SUMF2: variants seen among roughly 807,000 people sequenced by gnomAD.
SUMF2 encodes the protein inactive C-alpha-formylglycine-generating enzyme 2.
A neutral mutation model predicts 44.8 loss-of-function variants in SUMF2; 45 were observed. That is an observed-to-expected ratio of 1.00 (90% CI 0.79 to 1.29). SUMF2 has a LOEUF of 1.29. Among genes scored for constraint, SUMF2 ranks in the 50% most tolerant of loss-of-function variants. The pLI, the probability that SUMF2 is intolerant of heterozygous loss-of-function variation, is 0.00. For missense variants in SUMF2, 418 were observed against 389.9 expected (o/e 1.07, Z -0.61); for synonymous variants, 148 against 150.4 (o/e 0.98, Z 0.12).
the SUMF2 span, chr7:56,087,755 CCTGACCACA>C: frequency 6.2e-7 from 1 of 1,612,684 alleles, no homozygotes; most frequent in East Asian, 2.2e-5. Context: ...GGATGCATCG[CCTGACCACA>C]CTGCTAACGC....
In SUMF2 at chr7:56,079,977, G is replaced by C; in HGVS notation, c.*365G>C. 1 of 1,112,114 alleles carries C rather than the reference G, an allele frequency of 9.0e-7. No homozygotes were observed. 68.9% of individuals were successfully genotyped at this position (1,112,114 alleles called of 1,614,324 possible). On this transcript the variant is annotated 3_prime_UTR_variant, in exon 9 of 9. Transcript: ENST00000434526. ...CCCCCTTTCTCCCTGGATGATTCAG[G>C]AAGCTGACATTGTTTCCTCAAGGCA...
At chr7:56,084,522 C>T (rs145185920), downstream of SUMF2, among the ~76,000 whole-genome samples, 1,662 of 151,878 alleles carry the variant, frequency 0.011, 35 homozygotes, top group African/African-American at 0.037. Context: ...TACAGGTGCC[C>T]ACTACCACAC....
At chr7:56,081,532 C>G, downstream of SUMF2, 4 of 1,422,864 alleles carry the variant, frequency 2.8e-6, no homozygotes, top group Admixed American at 5.4e-5. The surrounding 1 kb of genome is among the most constrained non-coding windows in gnomAD (Gnocchi z 4.6). Flanking sequence ...GGGATGGGTA[C>G]TCTGGAAATT....
At chr7:56,067,744 T>C (rs1373809056) in intron 1 of SUMF2, among the ~76,000 whole-genome samples, 1 of 151,618 alleles carries the variant, frequency 6.6e-6, no homozygotes, top group Non-Finnish European at 1.5e-5. Flanking sequence ...AATACAAAAA[T>C]TAGCCAGGTG....
At chr7:56,082,180 G>A (rs544129411), downstream of SUMF2, 236 of 1,613,838 alleles carry the variant, frequency 1.5e-4, 3 homozygotes, top group South Asian at 2.1e-3. Context: ...CCTCTTTCCC[G>A]TAGCCCGGGT....
In SUMF2 at chr7:56,078,171, GC is replaced by G. The variant is rs1795695177; in HGVS notation, c.664del (p.Gln222ArgfsTer167). 1 of 1,611,478 alleles carries G rather than the reference GC, an allele frequency of 6.2e-7. No individual in the cohort carries two copies. The highest frequency in any genetic ancestry group is 1.7e-5 in the Admixed American group (1 of 59,892). ...HGVSPVNAFPAQNNYGLYDLL... is the reference protein window; with the variant it reads ...HGVSPVNAFPXQNNYGLYDLL... Reference sequence around the variant, plus strand: ...AGTCTCCCCAGTGAATGCTTTCCCCGCCCAGAACAACTACGGTAAGAGCTGT... The same window carrying G: ...AGTCTCCCCAGTGAATGCTTTCCCCGCCAGAACAACTACGGTAAGAGCTGT... On this transcript the variant is annotated frameshift_variant, in exon 7 of 9. Transcript: ENST00000434526. LOFTEE classifies it high-confidence loss of function.
At chr7:56,083,614 G>GGGAGGGAGCGGAGAGAAGGGC, downstream of SUMF2, 1 of 1,553,226 alleles carries the variant, frequency 6.4e-7, no homozygotes, top group Non-Finnish European at 8.8e-7. Flanking sequence ...TAAGCCACGT[G>GGGAGGGAGCGGAGAGAAGGGC]GGAGGGAGCG....
At chr7:56,081,271 A>T (rs1562875685), downstream of SUMF2, 1 of 1,611,926 alleles carries the variant, frequency 6.2e-7, no homozygotes, top group Non-Finnish European at 8.5e-7. The surrounding 1 kb of genome is among the most constrained non-coding windows in gnomAD (Gnocchi z 4.6). Flanking sequence ...GTAGATCCGC[A>T]CTGAAGCCAG....
chr7:56,084,473 A>C (rs915507058), downstream of SUMF2, among the ~76,000 whole-genome samples: 4 of 150,374 alleles, frequency 2.7e-5, no homozygotes, highest in Non-Finnish European at 4.4e-5. Context: ...TCCCAGGTTC[A>C]AGCAATTCTC....
chr7:56,066,233 A>G (rs1794790811), intron 1 of SUMF2, among the ~76,000 whole-genome samples: 1 of 152,218 alleles, frequency 6.6e-6, no homozygotes, highest in Non-Finnish European at 1.5e-5. Context: ...CTGCCTTGAA[A>G]GAAGTTGTAG....
the SUMF2 span, among the ~76,000 whole-genome samples, chr7:56,086,637 C>G: frequency 1.3e-5 from 2 of 152,098 alleles, no homozygotes; most frequent in African/African-American, 4.8e-5. Flanking sequence ...CTCAGCCTCC[C>G]AAACTGCTGG....
chr7:56,080,128 TA>T lies in SUMF2; in HGVS notation c.*518del. 1 of 488,160 alleles carries T rather than the reference TA, an allele frequency of 2.0e-6. No homozygotes were observed. Among genetic ancestry groups the T allele is most frequent in the Non-Finnish European group, 3.7e-6 (1 of 273,460 alleles). The allele number at this position is 488,160 out of a possible 1,614,324, so 30.2% of individuals were successfully genotyped here. On this transcript the variant is annotated 3_prime_UTR_variant, in exon 9 of 9. Coordinates refer to ENST00000434526, the MANE Select transcript of SUMF2 (RefSeq NM_015411.4). ...TTCCACTGTGTAACAGGCAGACATG[TA>T]ACTATTTAAAGCACAGTTCAGTCCT... is the stretch of plus-strand genomic sequence containing the variant.
At chr7:56,070,894 C>T (rs993380918) in intron 2 of SUMF2, among the ~76,000 whole-genome samples, 18 of 152,098 alleles carry the variant, frequency 1.2e-4, no homozygotes, top group South Asian at 6.2e-4. Context: ...AGGAAACCTC[C>T]GCCAGACCCA....
At chr7:56,068,717 T>A in intron 2 of SUMF2, 79 bp downstream of exon 2, 1 of 1,482,634 alleles carries the variant, frequency 6.7e-7, no homozygotes, top group East Asian at 2.4e-5. Context: ...TTTTTTTTGT[T>A]TTTTGAGACT....
At chr7:56,072,896 A>G (rs901950348) in intron 2 of SUMF2, 101 bp from the exon 3 acceptor site, 2 of 777,000 alleles carry the variant, frequency 2.6e-6, no homozygotes, top group East Asian at 2.5e-5. Flanking sequence ...TCTGTGGTGT[A>G]TAACTTACAG....
intron 4 of SUMF2, 73 bp downstream of exon 4, chr7:56,074,291 A>T (rs1562865952): frequency 7.0e-7 from 1 of 1,428,708 alleles, no homozygotes; most frequent in Non-Finnish European, 9.9e-7. Context: ...CCTCCTCTCT[A>T]CCCCTCGTAC....
downstream of SUMF2, chr7:56,082,028 G>T: frequency 1.2e-6 from 2 of 1,613,570 alleles, no homozygotes; most frequent in Non-Finnish European, 1.7e-6. Context: ...GCGTGTACAT[G>T]ATGACGCCAG....
At chr7:56,082,522 G>A (rs1260924536), downstream of SUMF2, among the ~76,000 whole-genome samples, 1 of 152,110 alleles carries the variant, frequency 6.6e-6, no homozygotes, top group Non-Finnish European at 1.5e-5. Context: ...GAACCTGGGA[G>A]GTGGAGTTTG....
downstream of SUMF2, chr7:56,081,615 C>G (rs1795994812): frequency 1.2e-6 from 2 of 1,612,530 alleles, no homozygotes; most frequent in Admixed American, 1.7e-5. The surrounding 1 kb of genome is among the most constrained non-coding windows in gnomAD (Gnocchi z 4.6). Context: ...GGGCCTGGAT[C>G]AGGACGCTTA....
Sources: allele counts gnomAD v4.1 joint callset (sites outside exome capture counted in the v4.1 genomes callset), GRCh38; gene constraint gnomAD v4.1.1; non-coding constraint Gnocchi (gnomAD v3.1); transcripts MANE v1.5; gene names NCBI Gene and HGNC (gene_info 2026-07-23, HGNC 2026-07-21).